NDUFA10: variants seen among roughly 807,000 people sequenced by gnomAD.
NDUFA10 encodes the protein NADH:ubiquinone oxidoreductase subunit A10, also known as NADH dehydrogenase [ubiquinone] 1 alpha subcomplex subunit 10, mitochondrial.
Under a neutral mutation model 47.8 loss-of-function variants are expected in NDUFA10, and 40 were observed. That is an observed-to-expected ratio of 0.84 (90% confidence interval 0.65 to 1.09). The LOEUF is 1.09. Among genes scored for constraint, NDUFA10 ranks in the 50% least tolerant of loss-of-function variants. NDUFA10 has a pLI of 0.00. For synonymous variants in NDUFA10, 183 were observed against 172.2 expected (o/e 1.06, Z -0.49); for missense variants, 413 against 451.1 (o/e 0.92, Z 0.76).
At chr2:239,954,004 G>A (rs532668102), downstream of NDUFA10, among the ~76,000 whole-genome samples, 34 of 151,840 alleles carry the variant, frequency 2.2e-4, 1 homozygote, top group Admixed American at 6.6e-5. Flanking sequence ...TCCCCCTGCC[G>A]GGACCGCTGA....
At chr2:239,954,628 G>A (rs182616217), downstream of NDUFA10, among the ~76,000 whole-genome samples, 10 of 152,362 alleles carry the variant, frequency 6.6e-5, no homozygotes, top group African/African-American at 2.4e-4. Flanking sequence ...CCCATTGGAT[G>A]AACACACACA....
intron 4 of NDUFA10, among the ~76,000 whole-genome samples, chr2:239,904,772 A>G (rs941652596): frequency 6.6e-6 from 1 of 152,180 alleles, no homozygotes. Flanking sequence ...ACACTATCTT[A>G]GCTCTGAGGC....
At position 239,945,993 on chromosome 2, in the gene NDUFA10, G is replaced by A. The variant is rs1694446129; in HGVS notation, c.294+44081C>T. On this transcript the variant is annotated intron_variant, in intron 4 of 5. Coordinates refer to the NDUFA10 transcript ENST00000419408. This position sits in a 1 kb window ranked among gnomAD's most constrained non-coding sequence, Gnocchi z 4.6. ...CATAATGAGCTGCACCCCCAGACCA[G>A]GACAGGAGAGGAGGGCCCCAGGGAT... Among the ~76,000 whole-genome samples, 1 of 152,192 alleles carries A rather than the reference G, an allele frequency of 6.6e-6. No homozygotes were observed. The highest frequency in any genetic ancestry group is 2.4e-5 in the African/African-American group (1 of 41,450).
chr2:239,999,870 T>C (rs1696634742), intron 8 of NDUFA10, among the ~76,000 whole-genome samples: 1 of 152,206 alleles, frequency 6.6e-6, no homozygotes, highest in Admixed American at 6.5e-5. Flanking sequence ...TTCCTGCCGG[T>C]TTCCAGTTAT....
chr2:239,921,040 A>G (rs1475257231), intron 4 of NDUFA10, among the ~76,000 whole-genome samples: 2 of 152,186 alleles, frequency 1.3e-5, no homozygotes, highest in Non-Finnish European at 2.9e-5. Flanking sequence ...AGAGCAACCA[A>G]GAGCCAGAGC....
At chr2:239,973,366 G>A in intron 9 of NDUFA10, 1 of 378,074 alleles carries the variant, frequency 2.6e-6, no homozygotes, top group Non-Finnish European at 5.3e-6. Context: ...CTTTCTGTAA[G>A]GTGAATTTCA....
intron 5 of NDUFA10, among the ~76,000 whole-genome samples, chr2:239,894,299 C>CCAT (rs386626702): frequency 4.5e-5 from 5 of 112,226 alleles, no homozygotes; most frequent in Non-Finnish European, 4.0e-5. Context: ...GTCCTCAGCT[C>CCAT]CATCCCAGCC....
Position 240,021,292 on chromosome 2 carries a change from C to T in NDUFA10, c.365G>A (p.Arg122Lys), listed in dbSNP as rs1697609796. ...GCGGTAACTGTTGCCATCATTGCTT[C>T]TCGGATCATCGTAAAATTTCTCCAA... ...CSLEKFYDDP[R>K]SNDGNSYRLQ... Residue 122 changes from arginine to lysine, a missense_variant, in exon 3 of 10, where the codon AGA becomes AAA. Transcript: ENST00000252711. 6.2e-7 allele frequency: 1 copy of T among 1,614,088 alleles called. No individual in the cohort carries two copies. Among genetic ancestry groups the T allele is most frequent in the African/African-American group, 1.3e-5 (1 of 74,952 alleles).
chr2:239,961,324 C>T, intron 9 of NDUFA10, 138 bp from the exon 10 acceptor site: 1 of 1,523,008 alleles, frequency 6.6e-7, no homozygotes, highest in Non-Finnish European at 8.9e-7. Context: ...TGATCTGTGG[C>T]AGGTGTCTCC....
chr2:239,913,446 G>A (rs925241846), intron 4 of NDUFA10, among the ~76,000 whole-genome samples: 3 of 152,224 alleles, frequency 2.0e-5, no homozygotes, highest in Non-Finnish European at 2.9e-5. Flanking sequence ...GTGAACCTTG[G>A]CCAAGAGCTT....
At chr2:240,025,018 T>C (rs1037119066) in intron 1 of NDUFA10, among the ~76,000 whole-genome samples, 2 of 152,138 alleles carry the variant, frequency 1.3e-5, no homozygotes, top group African/African-American at 4.8e-5. Flanking sequence ...AAAGCTGAGA[T>C]AAAATGGCCT....
chr2:240,002,980 GC>G (rs1174353703), intron 8 of NDUFA10, among the ~76,000 whole-genome samples: 3 of 151,978 alleles, frequency 2.0e-5, no homozygotes, highest in Admixed American at 1.3e-4. Context: ...CTCCCAAGTA[GC>G]TGAAACTATA....
chr2:240,024,782 G>C (rs1482910443), intron 1 of NDUFA10, among the ~76,000 whole-genome samples: 1 of 152,222 alleles, frequency 6.6e-6, no homozygotes, highest in South Asian at 2.1e-4. Context: ...GTCAGTCAGA[G>C]TAAAGGCAAA....
chr2:239,994,794 C>T (rs1226873311), intron 8 of NDUFA10, among the ~76,000 whole-genome samples: 1 of 152,016 alleles, frequency 6.6e-6, no homozygotes, highest in Non-Finnish European at 1.5e-5. Flanking sequence ...AACACACACA[C>T]AAATATAGGC....
downstream of NDUFA10, among the ~76,000 whole-genome samples, chr2:239,954,621 A>G (rs1694617298): frequency 6.6e-6 from 1 of 152,220 alleles, no homozygotes; most frequent in Non-Finnish European, 1.5e-5. Flanking sequence ...ATATTTACCC[A>G]TTGGATGAAC....
chr2:239,991,621 C>T (rs1359568178), intron 8 of NDUFA10, among the ~76,000 whole-genome samples: 1 of 152,212 alleles, frequency 6.6e-6, no homozygotes, highest in Non-Finnish European at 1.5e-5. Flanking sequence ...CTGCTGCTAG[C>T]TTTCCTTATG....
chr2:240,020,630 C>G (rs1424052696), intron 3 of NDUFA10, among the ~76,000 whole-genome samples: 1 of 152,190 alleles, frequency 6.6e-6, no homozygotes, highest in African/African-American at 2.4e-5. Context: ...CCCCAGTACA[C>G]AGCTCTTCCT....
chr2:239,951,938 C>T (rs1694561152), intron 4 of NDUFA10, among the ~76,000 whole-genome samples: 1 of 152,210 alleles, frequency 6.6e-6, no homozygotes, highest in Non-Finnish European at 1.5e-5. Context: ...TGGCTCTGTC[C>T]CTCTCGAGAC....
intron 1 of NDUFA10, among the ~76,000 whole-genome samples, chr2:240,022,682 G>A (rs1287616564): frequency 2.0e-5 from 3 of 152,038 alleles, no homozygotes; most frequent in Admixed American, 6.6e-5. Flanking sequence ...ACAGACGGGA[G>A]GAAGAAAGAC....
Sources: gnomAD v4.1 joint callset for allele counts (sites outside exome capture counted in the v4.1 genomes callset) on GRCh38, gnomAD v4.1.1 for gene constraint, Gnocchi (gnomAD v3.1) non-coding constraint, MANE v1.5 for transcripts, NCBI Gene and HGNC (gene_info 2026-07-23, HGNC 2026-07-21) for gene names.